Variants in SYT1 observed in about 807,000 individuals in gnomAD.
The protein encoded by SYT1 is synaptotagmin 1, also known as synaptotagmin-1.
A neutral mutation model predicts 44.8 loss-of-function variants in SYT1; 8 were observed. That is an observed-to-expected ratio of 0.18 (90% CI 0.10 to 0.32). The LOEUF is 0.32. Among genes scored for constraint, SYT1 ranks in the 10% least tolerant of loss-of-function variants. The pLI is 1.00. For missense variants in SYT1, 286 were observed against 509.3 expected (o/e 0.56, Z 4.22); for synonymous variants, 154 against 188.8 (o/e 0.82, Z 1.51).
intron 1 of SYT1, among the ~76,000 whole-genome samples, chr12:78,915,173 G>A (rs956215603): frequency 2.6e-5 from 4 of 152,018 alleles, no homozygotes; most frequent in Admixed American, 2.6e-4. Context: ...GAATGACTCT[G>A]CAGGTAAAAA....
chr12:78,956,068 A>G (rs904733435), intron 1 of SYT1, among the ~76,000 whole-genome samples: 14 of 152,184 alleles, frequency 9.2e-5, no homozygotes, highest in Admixed American at 2.6e-4. Context: ...AAGGTGCAGT[A>G]TGAGGGTGCT....
chr12:79,193,250 T>TA (rs1697033186), intron 3 of SYT1, among the ~76,000 whole-genome samples: 1 of 152,140 alleles, frequency 6.6e-6, no homozygotes, highest in South Asian at 2.1e-4. Flanking sequence ...ATGAAATAGA[T>TA]GTATAAATAA....
chr12:79,228,282 G>GTTTT (rs1875649186), intron 4 of SYT1, among the ~76,000 whole-genome samples: 9 of 151,990 alleles, frequency 5.9e-5, no homozygotes, highest in Admixed American at 5.2e-4. Flanking sequence ...AACGTAATCT[G>GTTTT]GACCCTGACA....
At chr12:78,994,898 T>G (rs1446192805) in intron 2 of SYT1, among the ~76,000 whole-genome samples, 1 of 152,144 alleles carries the variant, frequency 6.6e-6, no homozygotes, top group East Asian at 1.9e-4. Flanking sequence ...TTCTGTTTTT[T>G]GTTTTTTTTC....
chr12:79,104,677 T>C (rs1878616252), intron 3 of SYT1, among the ~76,000 whole-genome samples: 6 of 151,802 alleles, frequency 4.0e-5, no homozygotes, highest in Admixed American at 3.9e-4. Context: ...CTCTAAAGGC[T>C]TCTGGTAAAC....
At chr12:78,915,823 G>T (rs576697951) in intron 1 of SYT1, among the ~76,000 whole-genome samples, 1 of 152,008 alleles carries the variant, frequency 6.6e-6, no homozygotes, top group Non-Finnish European at 1.5e-5. Context: ...AATATCAGTT[G>T]ATGAGAAAGA....
intron 3 of SYT1, among the ~76,000 whole-genome samples, chr12:79,154,737 A>G (rs1227142580): frequency 6.6e-6 from 1 of 152,174 alleles, no homozygotes; most frequent in Non-Finnish European, 1.5e-5. Flanking sequence ...CACTGAGGAC[A>G]TATTGCTTCA....
In SYT1 at chr12:79,006,407, C is replaced by T. The variant is rs116356630; in HGVS notation, c.-84+28476C>T. Among the ~76,000 whole-genome samples the T allele has an allele frequency of 9.3e-4, 141 of 152,146 alleles. 1 individual carries two copies. Among genetic ancestry groups the T allele is most frequent in the African/African-American group, 3.2e-3 (132 of 41,518 alleles). On this transcript the variant is annotated intron_variant, in intron 2 of 10. Coordinates refer to ENST00000261205, the MANE Select transcript of SYT1 (RefSeq NM_005639.3). ...CCCATAATATGTTGTCATTGGAATG[C>T]TCTATGAGGGGAAAAAGCAGAAGCA...
intron 3 of SYT1, among the ~76,000 whole-genome samples, chr12:79,086,867 C>T (rs1393958630): frequency 6.6e-6 from 1 of 152,122 alleles, no homozygotes; most frequent in Non-Finnish European, 1.5e-5. Flanking sequence ...CTTGGTAGGC[C>T]TCCAGGCATT....
chr12:78,993,593 T>C (rs1410307129), intron 2 of SYT1, among the ~76,000 whole-genome samples: 2 of 152,228 alleles, frequency 1.3e-5, no homozygotes, highest in Non-Finnish European at 2.9e-5. Flanking sequence ...AGAAAACCTT[T>C]CAAATAAAAC....
At chr12:79,066,712 G>A (rs1875889193) in intron 3 of SYT1, among the ~76,000 whole-genome samples, 1 of 152,004 alleles carries the variant, frequency 6.6e-6, no homozygotes, top group South Asian at 2.1e-4. Flanking sequence ...ACAATGCCTG[G>A]CACATCAAAG....
intron 3 of SYT1, among the ~76,000 whole-genome samples, chr12:79,191,925 C>T (rs1319258598): frequency 6.6e-6 from 1 of 151,994 alleles, no homozygotes; most frequent in Non-Finnish European, 1.5e-5. Flanking sequence ...AATGTTGCTT[C>T]TACCTGAAAA....
chr12:78,931,310 AG>A (rs1481169857), intron 1 of SYT1, among the ~76,000 whole-genome samples: 2 of 15,258 alleles, frequency 1.3e-4, no homozygotes, highest in African/African-American at 3.2e-4. Flanking sequence ...AAGGAAGGAG[AG>A]GGAGGGAGGG....
At chr12:79,433,296 G>A (rs556271429) in intron 9 of SYT1, among the ~76,000 whole-genome samples, 62 of 152,138 alleles carry the variant, frequency 4.1e-4, no homozygotes, top group African/African-American at 4.3e-4. Context: ...GTCATATGAC[G>A]TATAAGATAC....
intron 1 of SYT1, among the ~76,000 whole-genome samples, chr12:78,909,215 A>G (rs555373203): frequency 1.7e-4 from 25 of 150,998 alleles, no homozygotes; most frequent in African/African-American, 4.9e-4. Context: ...GTTATCTAAT[A>G]TAAGTGTATG....
At chr12:79,271,727 A>T (rs951190836) in intron 4 of SYT1, among the ~76,000 whole-genome samples, 17 of 152,172 alleles carry the variant, frequency 1.1e-4, no homozygotes, top group African/African-American at 4.1e-4. Context: ...TCTTTTTTTC[A>T]ACAAAAGACT....
chr12:79,271,705 G>T (rs990786615), intron 4 of SYT1, among the ~76,000 whole-genome samples: 6 of 152,042 alleles, frequency 3.9e-5, no homozygotes, highest in Admixed American at 3.9e-4. Flanking sequence ...AGGCTTTCTT[G>T]ATAAAGGAAG....
intron 4 of SYT1, among the ~76,000 whole-genome samples, chr12:79,281,173 C>T (rs1006504589): frequency 2.6e-5 from 4 of 151,896 alleles, no homozygotes; most frequent in African/African-American, 9.7e-5. Context: ...GAAAAAGAAG[C>T]CATTATATCA....
At chr12:79,203,437 G>A (rs1880869) in intron 3 of SYT1, among the ~76,000 whole-genome samples, 116,085 of 152,154 alleles carry the variant, frequency 0.76, 45,201 homozygotes, top group African/African-American at 0.92. Context: ...TCTTTTTAAA[G>A]GTTAGAAAAA....
Sources: gnomAD v4.1 joint callset for allele counts (sites outside exome capture counted in the v4.1 genomes callset) on GRCh38, gnomAD v4.1.1 for gene constraint, MANE v1.5 for transcripts, NCBI Gene and HGNC (gene_info 2026-07-23, HGNC 2026-07-21) for gene names.